SLC16A10: variants seen among roughly 807,000 people sequenced by gnomAD.
SLC16A10 encodes solute carrier family 16 member 10, also known as monocarboxylate transporter 10.
SLC16A10 carries 27 observed loss-of-function variants against 40.0 expected under a neutral mutation model. That is an observed-to-expected ratio of 0.67 (90% CI 0.50 to 0.93). SLC16A10 has a LOEUF of 0.93. Among genes scored for constraint, SLC16A10 ranks in the 40% least tolerant of loss-of-function variants. The probability of loss-of-function intolerance (pLI) is 0.00; values close to 1 mark genes in which losing one functional copy is unlikely to be tolerated. For synonymous variants in SLC16A10, 213 were observed against 249.8 expected, an observed-to-expected ratio of 0.85 and a Z score of 1.39; for missense variants, 529 against 658.2, an observed-to-expected ratio of 0.80 and a Z score of 2.15.
chr6:111,186,264 T>C (rs1260838327), intron 3 of SLC16A10, among the ~76,000 whole-genome samples: 2 of 152,338 alleles, frequency 1.3e-5, no homozygotes, highest in Non-Finnish European at 1.5e-5. Context: ...AAATGCAGTA[T>C]ACTTTGAATC....
chr6:111,095,880 A>G (rs1016214286), intron 1 of SLC16A10, among the ~76,000 whole-genome samples: 1 of 152,182 alleles, frequency 6.6e-6, no homozygotes, highest in African/African-American at 2.4e-5. Flanking sequence ...TTTATAAATT[A>G]CCCAGCCTCA....
At chr6:111,115,943 G>T (rs1474808161) in intron 1 of SLC16A10, among the ~76,000 whole-genome samples, 1 of 152,074 alleles carries the variant, frequency 6.6e-6, no homozygotes, top group Admixed American at 6.5e-5. Flanking sequence ...CATACTACTT[G>T]TAGGGACCCC....
chr6:111,158,756 C>T (rs1024838363), intron 1 of SLC16A10, among the ~76,000 whole-genome samples: 1 of 152,042 alleles, frequency 6.6e-6, no homozygotes, highest in African/African-American at 2.4e-5. Context: ...TCTGCGTATC[C>T]ACTACTCTTT....
intron 3 of SLC16A10, among the ~76,000 whole-genome samples, chr6:111,205,589 C>T (rs1773241451): frequency 6.6e-6 from 1 of 152,204 alleles, no homozygotes; most frequent in South Asian, 2.1e-4. Flanking sequence ...ATCCTCGCAA[C>T]CAATTTCTGA....
chr6:111,184,771 C>A (rs751047896), intron 3 of SLC16A10, among the ~76,000 whole-genome samples: 4 of 152,132 alleles, frequency 2.6e-5, no homozygotes, highest in Admixed American at 6.6e-5. Context: ...TTAACCACCG[C>A]CCCTGGCCAT....
At chr6:111,176,000 C>G (rs1018385325) in intron 2 of SLC16A10, among the ~76,000 whole-genome samples, 1 of 152,016 alleles carries the variant, frequency 6.6e-6, no homozygotes, top group Non-Finnish European at 1.5e-5. Context: ...TGGCCAAGGA[C>G]CAGATTTTTA....
chr6:111,151,295 C>T (rs1471258153), intron 1 of SLC16A10, among the ~76,000 whole-genome samples: 1 of 152,132 alleles, frequency 6.6e-6, no homozygotes, highest in African/African-American at 2.4e-5. Context: ...CTCTCCTTTC[C>T]CCATTCCCCA....
intron 1 of SLC16A10, among the ~76,000 whole-genome samples, chr6:111,170,581 C>T (rs1031406325): frequency 6.6e-6 from 1 of 152,116 alleles, no homozygotes; most frequent in African/African-American, 2.4e-5. Context: ...TCCTGAGTAG[C>T]TGGGATTACA....
intron 5 of SLC16A10, among the ~76,000 whole-genome samples, chr6:111,221,650 C>G (rs531725426): frequency 6.6e-6 from 1 of 151,560 alleles, no homozygotes; most frequent in Admixed American, 6.6e-5. Context: ...AGAGGCTGAG[C>G]TGGGAGGATC....
chr6:111,092,869 G>A lies in SLC16A10; in HGVS notation c.343+4774G>A, dbSNP rs184353457. ...AGCCTGGCCAAGATGGTGAAACCCC[G>A]TTTCTACTAAAAATACAAAAAATTA... On this transcript the variant is annotated intron_variant, in intron 1 of 5. Coordinates refer to ENST00000368851, the MANE Select transcript of SLC16A10 (RefSeq NM_018593.5). 1.0e-3 allele frequency among the ~76,000 whole-genome samples: 151 copies of A among 151,252 alleles called. No individual in the cohort carries two copies. The East Asian group carries it at 0.021, about 21-fold the overall frequency.
intron 1 of SLC16A10, among the ~76,000 whole-genome samples, chr6:111,098,159 A>G (rs182451505): frequency 0.013 from 2,022 of 152,000 alleles, no homozygotes; most frequent in African/African-American, 0.047. Context: ...ATACTAAATT[A>G]GCCGGGCATG....
intron 1 of SLC16A10, among the ~76,000 whole-genome samples, chr6:111,169,839 T>C (rs1772549256): frequency 6.6e-6 from 1 of 152,134 alleles, no homozygotes; most frequent in Non-Finnish European, 1.5e-5. Flanking sequence ...TAATTTTTAA[T>C]ATTTGGTATA....
chr6:111,152,329 C>T (rs1051544794), intron 1 of SLC16A10, among the ~76,000 whole-genome samples: 5 of 152,158 alleles, frequency 3.3e-5, no homozygotes, highest in African/African-American at 1.2e-4. Flanking sequence ...GGATTAGTGT[C>T]TGTTTTGTTC....
At chr6:111,131,197 T>G (rs975240420) in intron 1 of SLC16A10, among the ~76,000 whole-genome samples, 2 of 152,222 alleles carry the variant, frequency 1.3e-5, no homozygotes, top group Non-Finnish European at 2.9e-5. Flanking sequence ...CCCCTCTGGA[T>G]CCGGCAGGGT....
chr6:111,100,988 CTCTCTATATA>C (rs374390082), intron 1 of SLC16A10, among the ~76,000 whole-genome samples: 3,931 of 77,324 alleles, frequency 0.051, 62 homozygotes, highest in East Asian at 0.1. Context: ...CTCTCTCTCT[CTCTCTATATA>C]TATATATATA....
chr6:111,189,862 TG>T (rs1449817034), intron 3 of SLC16A10, among the ~76,000 whole-genome samples: 1 of 152,172 alleles, frequency 6.6e-6, no homozygotes, highest in African/African-American at 2.4e-5. Flanking sequence ...AGATGAAATT[TG>T]GGTAGGGAAC....
intron 4 of SLC16A10, among the ~76,000 whole-genome samples, chr6:111,213,525 A>C (rs1773377030): frequency 6.6e-6 from 1 of 152,206 alleles, no homozygotes; most frequent in Non-Finnish European, 1.5e-5. Context: ...ATTTGCCTAA[A>C]GATATCTTGG....
At chr6:111,181,836 G>A (rs1772797565) in intron 3 of SLC16A10, among the ~76,000 whole-genome samples, 1 of 152,122 alleles carries the variant, frequency 6.6e-6, no homozygotes, top group South Asian at 2.1e-4. Flanking sequence ...ATCTTTTTTA[G>A]AAGGATACAA....
intron 1 of SLC16A10, among the ~76,000 whole-genome samples, chr6:111,090,953 T>C (rs1327852655): frequency 1.3e-5 from 2 of 152,214 alleles, no homozygotes; most frequent in Non-Finnish European, 2.9e-5. Flanking sequence ...CCTAAGGATA[T>C]ACAGGGAGGT....
Sources: gnomAD v4.1 joint callset for allele counts (sites outside exome capture counted in the v4.1 genomes callset) on GRCh38, gnomAD v4.1.1 for gene constraint, MANE v1.5 for transcripts, NCBI Gene and HGNC (gene_info 2026-07-23, HGNC 2026-07-21) for gene names.